The following SYT9 variants were observed in gnomAD, a reference collection of about 807,000 sequenced individuals.
SYT9 encodes synaptotagmin-9.
Under a neutral mutation model 48.4 loss-of-function variants are expected in SYT9, and 22 were observed. That is an observed-to-expected ratio of 0.45 (90% CI 0.32 to 0.65). The LOEUF is 0.65. Ranked by LOEUF, SYT9 falls within the 30% of genes least tolerant of loss-of-function variation. SYT9 has a pLI of 0.03. For synonymous variants in SYT9, 265 were observed against 245.0 expected, an observed-to-expected ratio of 1.08 and a Z score of -0.76; for missense variants, 577 against 622.0, an observed-to-expected ratio of 0.93 and a Z score of 0.77.
Position 7,303,376 on chromosome 11 carries a change from A to C in SYT9, c.483A>C (p.Pro161=), listed in dbSNP as rs765249266. Residue 161 remains proline, a synonymous_variant, in exon 2 of 7, where the codon CCA becomes CCC. Transcript: ENST00000318881. Reference sequence around the variant, plus strand: ...GCGTGCAGCGCCAAGTCACAGAGCCAACCTCGTCGGCCCGGTCAGTAATGC... The same window carrying C: ...GCGTGCAGCGCCAAGTCACAGAGCCCACCTCGTCGGCCCGGTCAGTAATGC... ...GVRVQRQVTE[P]TSSARHNSIR... is the part of the protein sequence containing the mutation. 2.1e-5 allele frequency: 34 copies of C among 1,608,582 alleles called. No individual in the cohort carries two copies. Among genetic ancestry groups the C allele is most frequent in the Non-Finnish European group, 2.8e-5 (33 of 1,178,260 alleles).
intron 3 of SYT9, among the ~76,000 whole-genome samples, chr11:7,314,533 G>C (rs997884392): frequency 6.6e-6 from 1 of 152,212 alleles, no homozygotes; most frequent in African/African-American, 2.4e-5. Context: ...TCTATCGACA[G>C]TCACATCCAA....
At chr11:7,342,311 C>T (rs1368086916) in intron 3 of SYT9, among the ~76,000 whole-genome samples, 1 of 152,166 alleles carries the variant, frequency 6.6e-6, no homozygotes, top group African/African-American at 2.4e-5. Context: ...GTCCCTTCCA[C>T]CTATGAGCCT....
chr11:7,416,069 T>C lies in SYT9; in HGVS notation c.1072T>C (p.Phe358Leu). 6.2e-7 allele frequency: 1 copy of C among 1,614,160 alleles called. No homozygotes were observed. The highest frequency in any genetic ancestry group is 8.5e-7 in the Non-Finnish European group (1 of 1,180,012). ...NDNVDLGELM[F>L]SLCYLPTAGR... ...CAACGTGGATCTGGGAGAGCTGATGTTTTCCCTGTGCTATCTTCCAACGGC... is the reference window on the plus strand; with the variant it reads ...CAACGTGGATCTGGGAGAGCTGATGCTTTCCCTGTGCTATCTTCCAACGGC... Residue 358 changes from phenylalanine (F) to leucine (L), a missense_variant, in exon 4 of 7, where the codon TTT becomes CTT. By Grantham distance (22) the Phe-to-Leu change is conservative. Coordinates refer to ENST00000318881, the MANE Select transcript of SYT9 (RefSeq NM_175733.4).
In SYT9 at chr11:7,449,031, T is replaced by A. The variant is rs946322363; in HGVS notation, c.1468-17761T>A. On this transcript the variant is annotated intron_variant, in intron 6 of 6. Transcript: ENST00000318881. ...CAAGACTCAGAGGGTTATAAGAAAG[T>A]GGAGGAGCAAAGGCATCAAGGAGCA... Among the ~76,000 whole-genome samples the A allele has an allele frequency of 6.5e-4, 99 of 151,886 alleles. 1 individual carries two copies. Among genetic ancestry groups the A allele is most frequent in the African/African-American group, 2.3e-3 (96 of 41,426 alleles).
Position 7,303,194 on chromosome 11 carries a change from T to A in SYT9, c.301T>A (p.Tyr101Asn), listed in dbSNP as rs756970618. ...SKDNNQEPLN[Y>N]MDTETNEQEN... The stretch of plus-strand genomic sequence containing the variant: ...AGACAACAACCAGGAGCCCCTTAAC[T>A]ACATGGACACAGAGACCAATGAGCA... Residue 101 changes from tyrosine to asparagine, a missense_variant, in exon 2 of 7, where the codon TAC (tyrosine) becomes AAC (asparagine). Tyr to Asn is a moderately radical substitution (Grantham distance 143). Transcript: ENST00000318881. 1 of 1,614,090 alleles carries A rather than the reference T, an allele frequency of 6.2e-7. No individual in the cohort carries two copies. Among genetic ancestry groups the A allele is most frequent in the Non-Finnish European group, 8.5e-7 (1 of 1,180,012 alleles).
In SYT9 at chr11:7,362,949, C is replaced by CT. The variant is rs35065184; in HGVS notation, c.1044+49036dup. Among the ~76,000 whole-genome samples, 65 of 17,920 alleles carry CT rather than the reference C, an allele frequency of 3.6e-3. 13 individuals are homozygous for CT. The highest frequency in any genetic ancestry group is 0.011 in the African/African-American group (61 of 5,592). The allele number at this position is 17,920 out of a possible 152,430, so 11.8% of individuals were successfully genotyped here. A position where few individuals can be genotyped will look rare whatever the true frequency, so the allele number is the denominator to read the frequency against. ...ATCTTTCTTCTTGCCATTTATTGGCCTTTTTTTTTTTTTTTTTTTTTTTTT... is the reference window on the plus strand; with the variant it reads ...ATCTTTCTTCTTGCCATTTATTGGCCTTTTTTTTTTTTTTTTTTTTTTTTTT... On this transcript the variant is annotated intron_variant, in intron 3 of 6. Transcript: ENST00000318881.
chr11:7,322,019 A>C (rs1017941), intron 3 of SYT9, among the ~76,000 whole-genome samples: 77,107 of 151,636 alleles, frequency 0.51, 20,353 homozygotes, highest in Non-Finnish European at 0.57. Context: ...CTTGTGTCCT[A>C]CCTCCGTATG....
chr11:7,467,792 A>G lies in SYT9; in HGVS notation c.*992A>G, dbSNP rs1848359845. ...GGGGTATTTCCATATGCAACAGCCC[A>G]GAGTCATAGCCTTGGGCAACCACAC... On this transcript the variant is annotated 3_prime_UTR_variant, in exon 7 of 7. Coordinates refer to ENST00000318881, the MANE Select transcript of SYT9 (RefSeq NM_175733.4). The G allele has an allele frequency of 6.5e-6, 1 of 153,040 alleles. No individual in the cohort carries two copies. Among genetic ancestry groups the G allele is most frequent in the East Asian group, 1.9e-4 (1 of 5,192 alleles). 9.5% of individuals were successfully genotyped at this position (153,040 alleles called of 1,614,324 possible).
chr11:7,391,452 A>T (rs920244839), intron 3 of SYT9, among the ~76,000 whole-genome samples: 2 of 152,150 alleles, frequency 1.3e-5, no homozygotes, highest in African/African-American at 4.8e-5. Flanking sequence ...TTTTCTCTGC[A>T]GCCTTACCAA....
At chr11:7,329,390 T>C (rs1849489923) in intron 3 of SYT9, among the ~76,000 whole-genome samples, 1 of 152,216 alleles carries the variant, frequency 6.6e-6, no homozygotes, top group Non-Finnish European at 1.5e-5. Flanking sequence ...CTTTGTTCAT[T>C]TGTATAATTA....
upstream of SYT9, among the ~76,000 whole-genome samples, chr11:7,251,086 C>T (rs760886679): frequency 1.2e-4 from 17 of 137,326 alleles, no homozygotes; most frequent in Non-Finnish European, 2.3e-4. Context: ...ACCTAAAAGG[C>T]TTGTGGCACA....
chr11:7,417,897 A>C, intron 4 of SYT9, 60 bp from the exon 5 acceptor site: 1 of 1,555,294 alleles, frequency 6.4e-7, no homozygotes, highest in Admixed American at 1.9e-5. Context: ...CAGTGATATA[A>C]CTGCCCACCT....
intron 6 of SYT9, among the ~76,000 whole-genome samples, chr11:7,443,382 T>C (rs751945727): frequency 2.0e-5 from 3 of 152,242 alleles, no homozygotes; most frequent in Non-Finnish European, 4.4e-5. Flanking sequence ...GTCTTAGTCA[T>C]ACCTAGCAAG....
chr11:7,255,835 G>A (rs1847958789), intron 1 of SYT9, among the ~76,000 whole-genome samples: 1 of 152,186 alleles, frequency 6.6e-6, no homozygotes, highest in Non-Finnish European at 1.5e-5. Flanking sequence ...CTGTTTTACA[G>A]TTGAACAGTG....
intron 3 of SYT9, among the ~76,000 whole-genome samples, chr11:7,342,125 G>A (rs1849724835): frequency 6.6e-6 from 1 of 152,136 alleles, no homozygotes; most frequent in South Asian, 2.1e-4. Context: ...TTCAAGATGA[G>A]ATTTGAGAGG....
At chr11:7,390,989 C>T (rs796127315) in intron 3 of SYT9, among the ~76,000 whole-genome samples, 51 of 152,170 alleles carry the variant, frequency 3.4e-4, no homozygotes, top group African/African-American at 1.2e-3. Flanking sequence ...TTCCTCCCTC[C>T]GTTTGGAGTC....
intron 3 of SYT9, among the ~76,000 whole-genome samples, chr11:7,410,878 G>C (rs1421201849): frequency 6.6e-6 from 1 of 151,636 alleles, no homozygotes; most frequent in African/African-American, 2.4e-5. Flanking sequence ...TTTTGAGACA[G>C]AGTTTTGCTC....
chr11:7,330,567 T>C (rs1443485759), intron 3 of SYT9, among the ~76,000 whole-genome samples: 1 of 152,168 alleles, frequency 6.6e-6, no homozygotes, highest in Non-Finnish European at 1.5e-5. Flanking sequence ...GATACAGGAA[T>C]ATATAAAATA....
chr11:7,308,375 A>G (rs1303011015), intron 2 of SYT9, among the ~76,000 whole-genome samples: 1 of 152,152 alleles, frequency 6.6e-6, no homozygotes, highest in South Asian at 2.1e-4. Context: ...ATTAGGGTGC[A>G]CTTGTTCATG....
Sources: allele counts gnomAD v4.1 joint callset (sites outside exome capture counted in the v4.1 genomes callset), GRCh38; gene constraint gnomAD v4.1.1; transcripts MANE v1.5; gene names NCBI Gene and HGNC (gene_info 2026-07-23, HGNC 2026-07-21).